The following MYO1D variants were observed in gnomAD, a reference collection of about 807,000 sequenced individuals.
The protein encoded by MYO1D is unconventional myosin-Id.
In MYO1D, 83 loss-of-function variants were observed where a neutral mutation model predicts 122.0. That is an observed-to-expected ratio of 0.68 (90% CI 0.57 to 0.82). MYO1D has a LOEUF of 0.82. Ranked by LOEUF, MYO1D falls within the 40% of genes least tolerant of loss-of-function variation. MYO1D has a pLI of 0.00. For missense variants in MYO1D, 1,157 were observed against 1,269.5 expected (o/e 0.91, Z 1.35); for synonymous variants, 464 against 446.9 (o/e 1.04, Z -0.48).
At chr17:32,749,426 A>T (rs1399582267) in intron 11 of MYO1D, among the ~76,000 whole-genome samples, 2 of 152,206 alleles carry the variant, frequency 1.3e-5, no homozygotes, top group South Asian at 4.1e-4. Context: ...CTACTATCTT[A>T]TGACACTTTA....
chr17:32,747,028 T>C (rs1048409066), intron 12 of MYO1D, among the ~76,000 whole-genome samples: 1 of 152,180 alleles, frequency 6.6e-6, no homozygotes, highest in Non-Finnish European at 1.5e-5. Flanking sequence ...GATATTTGTA[T>C]AGTACTGGAT....
chr17:32,683,511 G>A (rs2088954925), intron 16 of MYO1D, among the ~76,000 whole-genome samples: 1 of 152,084 alleles, frequency 6.6e-6, no homozygotes, highest in East Asian at 1.9e-4. Context: ...ACCCTGCCGT[G>A]TGAGGTGTCA....
At chr17:32,600,944 T>C (rs2087554675) in intron 21 of MYO1D, among the ~76,000 whole-genome samples, 1 of 151,612 alleles carries the variant, frequency 6.6e-6, no homozygotes, top group Admixed American at 6.6e-5. Context: ...TTCTAGCTTT[T>C]TCTTTTCCCT....
At chr17:32,623,684 C>T (rs2087882809) in intron 20 of MYO1D, among the ~76,000 whole-genome samples, 1 of 152,152 alleles carries the variant, frequency 6.6e-6, no homozygotes, top group African/African-American at 2.4e-5. Flanking sequence ...CTGTCTCAGT[C>T]CATTTAGGTG....
chr17:32,760,901 C>T (rs965628730), intron 8 of MYO1D, among the ~76,000 whole-genome samples: 6 of 152,174 alleles, frequency 3.9e-5, no homozygotes, highest in African/African-American at 1.4e-4. Context: ...TTTCCCTGCC[C>T]GGCTATATCA....
intron 16 of MYO1D, among the ~76,000 whole-genome samples, chr17:32,679,207 G>A (rs2088869789): frequency 6.7e-6 from 1 of 150,100 alleles, no homozygotes; most frequent in Admixed American, 6.6e-5. Flanking sequence ...CATTTTGTAG[G>A]TTGCCTGTTC....
At chr17:32,836,891 T>C (rs1367796681) in intron 1 of MYO1D, among the ~76,000 whole-genome samples, 2 of 152,164 alleles carry the variant, frequency 1.3e-5, no homozygotes, top group Non-Finnish European at 2.9e-5. Context: ...TGAATTCTTC[T>C]CCTGAGTATA....
intron 16 of MYO1D, among the ~76,000 whole-genome samples, chr17:32,683,579 G>A (rs1046815502): frequency 8.6e-5 from 13 of 151,996 alleles, no homozygotes; most frequent in East Asian, 7.8e-4. Context: ...AGGGGTCAGG[G>A]ACCCACTTGA....
chr17:32,687,257 C>T lies in MYO1D; in HGVS notation c.2121+24731G>A, dbSNP rs542264098. Among the ~76,000 whole-genome samples the T allele has an allele frequency of 7.8e-3, 1,162 of 149,570 alleles. 14 individuals carry two copies. Among genetic ancestry groups the T allele is most frequent in the African/African-American group, 0.026 (1,048 of 40,512 alleles). On this transcript the variant is annotated intron_variant, in intron 16 of 21. Transcript: ENST00000318217. The stretch of plus-strand genomic sequence containing the variant: ...TGTCACCCAGGCTGGAGTGCAGTGG[C>T]GCGATCTCAGCTCACTGCAAGCTCC...
intron 1 of MYO1D, among the ~76,000 whole-genome samples, chr17:32,834,119 C>G (rs1250770540): frequency 6.6e-6 from 1 of 152,170 alleles, no homozygotes; most frequent in African/African-American, 2.4e-5. Flanking sequence ...AGGCGCCCAA[C>G]AGATGTTTGC....
chr17:32,802,235 T>C (rs1177775639), intron 1 of MYO1D, among the ~76,000 whole-genome samples: 3 of 152,250 alleles, frequency 2.0e-5, no homozygotes, highest in African/African-American at 7.2e-5. Flanking sequence ...TCACCACATA[T>C]GTATATATTT....
At chr17:32,867,912 T>TAAAAAAAAAAC in intron 1 of MYO1D, among the ~76,000 whole-genome samples, 1 of 139,886 alleles carries the variant, frequency 7.1e-6, no homozygotes, top group South Asian at 2.3e-4. Context: ...GTTATAGATT[T>TAAAAAAAAAAC]AAAAAAAAAA....
At chr17:32,744,749 A>C (rs1229974720) in intron 13 of MYO1D, among the ~76,000 whole-genome samples, 6 of 152,174 alleles carry the variant, frequency 3.9e-5, no homozygotes. Flanking sequence ...TTGGTTTGTG[A>C]GAAGATTCTG....
intron 16 of MYO1D, among the ~76,000 whole-genome samples, chr17:32,673,057 T>G (rs865877384): frequency 1.3e-4 from 19 of 148,568 alleles, no homozygotes; most frequent in Middle Eastern, 3.4e-3. Flanking sequence ...TAACTTCTGG[T>G]TGACCATTGT....
rs8080282 is a variant in MYO1D at position 32,814,003 on chromosome 17, G to A, written c.96-33219C>T. Among the ~76,000 whole-genome samples the A allele has an allele frequency of 6.5e-3, 983 of 152,300 alleles. 3 individuals are homozygous for A. The highest frequency in any genetic ancestry group is 0.023 in the African/African-American group (951 of 41,568). On this transcript the variant is annotated intron_variant, in intron 1 of 21. Coordinates refer to ENST00000318217, the MANE Select transcript of MYO1D (RefSeq NM_015194.3). ...ACATGTTGGTAACTTTCTCGAGGCA[G>A]CAACACTTTTTAGAAAAGTGACCTG...
rs923050528 is a variant in MYO1D, at chr17:32,802,469, T to C, written c.96-21685A>G. Among the ~76,000 whole-genome samples the C allele has an allele frequency of 7.9e-5, 12 of 152,368 alleles. No homozygotes were observed. In the East Asian group the frequency reaches 2.1e-3, roughly 27 times the overall value. On this transcript the variant is annotated intron_variant, in intron 1 of 21. Coordinates refer to ENST00000318217, the MANE Select transcript of MYO1D (RefSeq NM_015194.3). ...AACATGGTATCAATTAAGTTGGTCT[T>C]AAATTTTCCCTTTCTCAAATTCTGA...
intron 16 of MYO1D, among the ~76,000 whole-genome samples, chr17:32,662,447 C>T (rs1433562428): frequency 5.3e-5 from 8 of 152,052 alleles, no homozygotes; most frequent in Admixed American, 3.3e-4. Flanking sequence ...CCAAGGTGGG[C>T]GGATCACAAG....
chr17:32,733,600 T>C (rs1458322732), intron 14 of MYO1D, among the ~76,000 whole-genome samples: 1 of 152,202 alleles, frequency 6.6e-6, no homozygotes, highest in African/African-American at 2.4e-5. Context: ...TGTGTGTGTG[T>C]GCACAGAATT....
chr17:32,647,953 C>T lies in MYO1D; in HGVS notation c.2595+5890G>A, dbSNP rs555826241. Among the ~76,000 whole-genome samples the T allele has an allele frequency of 1.4e-4, 21 of 152,292 alleles. No individual in the cohort carries two copies. In the East Asian group the frequency reaches 3.9e-3, roughly 28 times the overall value. On this transcript the variant is annotated intron_variant, in intron 19 of 21. Transcript: ENST00000318217. ...TGAGGACTGGGCACGATGGCTCATG[C>T]CTGTAATCCCAGCAGTTTGGGAGGC... is the stretch of plus-strand genomic sequence containing the variant.
Sources: gnomAD v4.1 joint callset for allele counts (sites outside exome capture counted in the v4.1 genomes callset) on GRCh38, gnomAD v4.1.1 for gene constraint, MANE v1.5 for transcripts, NCBI Gene and HGNC (gene_info 2026-07-23, HGNC 2026-07-21) for gene names.